COL21A1: variants seen among roughly 807,000 people sequenced by gnomAD.
COL21A1 encodes the protein collagen alpha-1(XXI) chain.
In COL21A1, 149 loss-of-function variants were observed where a neutral mutation model predicts 137.9. The ratio of observed to expected loss-of-function variants is 1.08; its 90% CI spans 0.95 to 1.24. The LOEUF is 1.24. Among genes scored for constraint, COL21A1 ranks in the 50% most tolerant of loss-of-function variants. COL21A1 has a pLI of 0.00. For missense variants in COL21A1, 1,167 were observed against 1,158.4 expected, an observed-to-expected ratio of 1.01 and a Z score of -0.11; for synonymous variants, 456 against 391.5, an observed-to-expected ratio of 1.16 and a Z score of -1.95.
intron 1 of COL21A1, among the ~76,000 whole-genome samples, chr6:56,198,905 C>T (rs1475330435): frequency 3.3e-5 from 5 of 152,036 alleles, no homozygotes; most frequent in African/African-American, 2.4e-5. Flanking sequence ...TCAAGAATGA[C>T]ATTACTAATT....
chr6:56,240,685 A>G (rs1198329683), intron 1 of COL21A1, among the ~76,000 whole-genome samples: 1 of 152,148 alleles, frequency 6.6e-6, no homozygotes, highest in African/African-American at 2.4e-5. Flanking sequence ...GGCAAAATGA[A>G]AGAGAACTTT....
chr6:56,373,180 G>A (rs767337133), intron 1 of COL21A1, among the ~76,000 whole-genome samples: 3 of 152,310 alleles, frequency 2.0e-5, no homozygotes, highest in African/African-American at 4.8e-5. Context: ...TGTCCTCACC[G>A]GACCAGGCCT....
chr6:56,124,293 C>T lies in COL21A1; in HGVS notation c.1651-1G>A, dbSNP rs200401514. 2.2e-4 allele frequency: 359 copies of T among 1,600,060 alleles called. No individual in the cohort carries two copies. The highest frequency in any genetic ancestry group is 5.0e-4 in the Middle Eastern group (3 of 6,048). The stretch of plus-strand genomic sequence containing the variant: ...CATTCCCCTTTTCACCTTTTGCACC[C>T]TGTATCGAAAACAAACACTTAAAAC... On this transcript the variant is annotated splice_acceptor_variant, in intron 14 of 29. Coordinates refer to ENST00000244728, the MANE Select transcript of COL21A1 (RefSeq NM_030820.4). LOFTEE classifies it high-confidence loss of function.
chr6:56,291,338 G>C (rs1246219064), intron 1 of COL21A1, among the ~76,000 whole-genome samples: 2 of 152,176 alleles, frequency 1.3e-5, no homozygotes, highest in African/African-American at 4.8e-5. Flanking sequence ...GCAAGGTGAA[G>C]TTCATTTTGA....
intron 1 of COL21A1, among the ~76,000 whole-genome samples, chr6:56,295,468 A>G (rs149367496): frequency 7.9e-5 from 12 of 152,190 alleles, no homozygotes; most frequent in African/African-American, 2.9e-4. Flanking sequence ...CAGTTTGTCA[A>G]CATCCACAAA....
chr6:56,276,817 T>G (rs200186708), intron 1 of COL21A1: 236,082 of 808,080 alleles, frequency 0.29, 37,965 homozygotes, highest in East Asian at 0.6. Flanking sequence ...GTTTTTTTTG[T>G]TTTTTTTTTG....
rs541282664 is a variant in COL21A1 at position 56,225,061 on chromosome 6, C to T, written c.-39+22326G>A. 1.1e-4 allele frequency among the ~76,000 whole-genome samples: 17 copies of T among 152,002 alleles called. No homozygotes were observed. In the South Asian group the frequency reaches 2.9e-3, roughly 26 times the overall value. ...AGGAAAAAAAAGTCAGAAAAGATTG[C>T]CCTTTTCTCAAATTCTAAAAAATGA... On this transcript the variant is annotated intron_variant, in intron 1 of 29. Transcript: ENST00000244728.
chr6:56,164,443 GT>G lies in COL21A1; in HGVS notation c.1350del (p.Lys450AsnfsTer130). On this transcript the variant is annotated frameshift_variant, in exon 9 of 30. Transcript: ENST00000244728. LOFTEE classifies it high-confidence loss of function. Reference protein sequence around the residue: ...TPAPCICPPGKPGLQGPKGDP... With the variant: ...TPAPCICPPGXPGLQGPKGDP... ...CCCACTTTGGGGCCTTGAAGTCCTG[GT>G]TTTCCCGGAGGACAAATACAGGGAG... The G allele has an allele frequency of 6.3e-7, 1 of 1,587,412 alleles. No homozygotes were observed. Among genetic ancestry groups the G allele is most frequent in the South Asian group, 1.2e-5 (1 of 86,688 alleles).
chr6:56,092,514 T>C (rs1218498184), intron 17 of COL21A1, among the ~76,000 whole-genome samples: 1 of 151,930 alleles, frequency 6.6e-6, no homozygotes, highest in Non-Finnish European at 1.5e-5. Context: ...AAATGAGAAA[T>C]AGACAAATTA....
intron 1 of COL21A1, among the ~76,000 whole-genome samples, chr6:56,277,709 T>C (rs1054500029): frequency 1.2e-4 from 19 of 152,218 alleles, no homozygotes; most frequent in Non-Finnish European, 4.4e-5. Flanking sequence ...ACATTTTGGG[T>C]AAGTCATTCA....
chr6:56,085,890 A>G (rs1055227488), intron 17 of COL21A1, among the ~76,000 whole-genome samples: 1 of 149,668 alleles, frequency 6.7e-6, no homozygotes, highest in South Asian at 2.1e-4. Context: ...CCAAGAGAGT[A>G]TCATTTATTT....
At chr6:56,170,348 GT>G (rs1776938535) in intron 5 of COL21A1, among the ~76,000 whole-genome samples, 1 of 151,866 alleles carries the variant, frequency 6.6e-6, no homozygotes, top group Non-Finnish European at 1.5e-5. Flanking sequence ...TTGAATATTA[GT>G]TTGTCTGCAA....
At chr6:56,206,763 T>C (rs1013882080) in intron 1 of COL21A1, among the ~76,000 whole-genome samples, 6 of 146,794 alleles carry the variant, frequency 4.1e-5, no homozygotes, top group Non-Finnish European at 7.5e-5. Flanking sequence ...ATCACACTTA[T>C]TCTAGAATTG....
Position 56,276,807 on chromosome 6 carries a change from G to GTTTT in COL21A1, c.-38-94155_-38-94152dup, listed in dbSNP as rs367712707. On this transcript the variant is annotated intron_variant, in intron 1 of 28. Coordinates refer to the COL21A1 transcript ENST00000370819. ...TTGTTCAGTGAGTTGTGTTTTTTTT[G>GTTTT]TTTTTTTTGTTTTTTTTTTGAGACA... The GTTTT allele has an allele frequency of 1.0e-3, 954 of 909,110 alleles. 5 individuals are homozygous for GTTTT. The South Asian group carries it at 0.013, about 13-fold the overall frequency. 56.3% of individuals were successfully genotyped at this position (909,110 alleles called of 1,614,324 possible). A position where few individuals can be genotyped will look rare whatever the true frequency, so the allele number is the denominator to read the frequency against.
At chr6:56,295,029 C>T (rs934642679) in intron 1 of COL21A1, among the ~76,000 whole-genome samples, 1 of 151,912 alleles carries the variant, frequency 6.6e-6, no homozygotes, top group African/African-American at 2.4e-5. Flanking sequence ...AAGAGTTTCT[C>T]CTGTGTTATC....
chr6:56,158,465 G>T (rs180951647), intron 9 of COL21A1, among the ~76,000 whole-genome samples: 1 of 151,580 alleles, frequency 6.6e-6, no homozygotes, highest in Admixed American at 6.6e-5. Context: ...TAGAGGTGGG[G>T]TCTCATATGT....
At chr6:56,327,482 T>C (rs1031856261) in intron 1 of COL21A1, among the ~76,000 whole-genome samples, 7 of 152,048 alleles carry the variant, frequency 4.6e-5, no homozygotes, top group Non-Finnish European at 1.0e-4. Flanking sequence ...ACCAAGGTGA[T>C]GGATTCAGAA....
intron 1 of COL21A1, among the ~76,000 whole-genome samples, chr6:56,219,921 A>C (rs1780728701): frequency 6.6e-6 from 1 of 152,176 alleles, no homozygotes; most frequent in Admixed American, 6.5e-5. Context: ...TATAATAATC[A>C]CAATTCTTCC....
At chr6:56,175,360 A>C (rs1777379964) in intron 3 of COL21A1, among the ~76,000 whole-genome samples, 1 of 150,976 alleles carries the variant, frequency 6.6e-6, no homozygotes, top group Non-Finnish European at 1.5e-5. Context: ...CACAGATAGC[A>C]TGATCATAAA....
Sources: allele counts gnomAD v4.1 joint callset (sites outside exome capture counted in the v4.1 genomes callset), GRCh38; gene constraint gnomAD v4.1.1; transcripts MANE v1.5; gene names NCBI Gene and HGNC (gene_info 2026-07-23, HGNC 2026-07-21).